GALNT14: variants seen among roughly 807,000 people sequenced by gnomAD.
GALNT14 encodes the protein polypeptide N-acetylgalactosaminyltransferase 14.
GALNT14 carries 60 observed loss-of-function variants against 77.5 expected under a neutral mutation model. The ratio of observed to expected loss-of-function variants is 0.77; its 90% CI spans 0.63 to 0.96. The LOEUF (loss-of-function observed/expected upper bound fraction) is 0.96, where lower values mean the gene tolerates loss of function less well. Among genes scored for constraint, GALNT14 ranks in the 40% least tolerant of loss-of-function variants. The probability of loss-of-function intolerance (pLI) is 0.00; values close to 1 mark genes in which losing one functional copy is unlikely to be tolerated. For missense variants in GALNT14, 710 were observed against 731.0 expected, an observed-to-expected ratio of 0.97 and a Z score of 0.33; for synonymous variants, 280 against 281.7, an observed-to-expected ratio of 0.99 and a Z score of 0.06.
the GALNT14 span, among the ~76,000 whole-genome samples, chr2:30,901,586 G>C: frequency 6.6e-6 from 1 of 150,952 alleles, no homozygotes; most frequent in Non-Finnish European, 1.5e-5. Context: ...ATATATGTGA[G>C]TATATATATA....
intron 1 of GALNT14, among the ~76,000 whole-genome samples, chr2:31,079,498 C>A (rs1676022440): frequency 1.3e-5 from 2 of 152,098 alleles, no homozygotes; most frequent in South Asian, 4.2e-4. Context: ...ATGAAGGCTG[C>A]CAGGTGGAGG....
intron 3 of GALNT14, among the ~76,000 whole-genome samples, chr2:30,962,304 C>T (rs950045090): frequency 2.0e-5 from 3 of 152,232 alleles, no homozygotes; most frequent in South Asian, 2.1e-4. Context: ...TGTGATCACA[C>T]ACCTGTTAAG....
chr2:30,916,702 T>G (rs1299521095), intron 13 of GALNT14, among the ~76,000 whole-genome samples: 3 of 152,172 alleles, frequency 2.0e-5, no homozygotes, highest in Non-Finnish European at 1.5e-5. Flanking sequence ...GAAGCTGGGA[T>G]GCAGACGGGC....
At chr2:30,897,142 A>G in the GALNT14 span, among the ~76,000 whole-genome samples, 1 of 151,940 alleles carries the variant, frequency 6.6e-6, no homozygotes, top group Non-Finnish European at 1.5e-5. Context: ...TGTCTCCTAC[A>G]CCACAGGCTT....
intron 1 of GALNT14, among the ~76,000 whole-genome samples, chr2:31,009,828 A>G (rs981156120): frequency 6.6e-6 from 1 of 152,004 alleles, no homozygotes; most frequent in Admixed American, 6.6e-5. Flanking sequence ...CCCACACACA[A>G]CTAACCCATC....
intron 8 of GALNT14, 147 bp from the exon 9 acceptor site, chr2:30,942,451 T>C: frequency 1.6e-6 from 1 of 619,282 alleles, no homozygotes; most frequent in South Asian, 2.0e-5. Flanking sequence ...TTTCTTCCCA[T>C]TTCTGTTCCT....
intron 1 of GALNT14, among the ~76,000 whole-genome samples, chr2:31,134,973 C>G (rs556833762): frequency 1.3e-5 from 2 of 152,262 alleles, no homozygotes; most frequent in Admixed American, 6.5e-5. Flanking sequence ...ATTAAATGAA[C>G]TAATATATGT....
intron 1 of GALNT14, among the ~76,000 whole-genome samples, chr2:31,078,685 C>A (rs759649625): frequency 6.6e-6 from 1 of 152,174 alleles, no homozygotes; most frequent in African/African-American, 2.4e-5. Flanking sequence ...AGCTCTCAGG[C>A]CCCGGGGCCA....
chr2:31,132,782 T>G lies in GALNT14; in HGVS notation c.129+5176A>C, dbSNP rs115928717. 1,062 of 468,656 alleles carry G rather than the reference T, an allele frequency of 2.3e-3. 13 individuals are homozygous for G. The highest frequency in any genetic ancestry group is 0.02 in the African/African-American group (986 of 49,924). The allele number at this position is 468,656 out of a possible 1,614,324, so 29.0% of individuals were successfully genotyped here. ...TCTTGCCTGGGGGCCAGACTGCCTT[T>G]GTAGGACTAACGAATTAGCCATAAG... On this transcript the variant is annotated intron_variant, in intron 1 of 14. Transcript: ENST00000349752.
At chr2:30,936,131 T>C (rs1362166055) in intron 9 of GALNT14, among the ~76,000 whole-genome samples, 1 of 152,164 alleles carries the variant, frequency 6.6e-6, no homozygotes, top group African/African-American at 2.4e-5. Context: ...CTTACTTTCT[T>C]TAAACGTCAG....
chr2:31,085,227 T>C (rs1284141498), intron 1 of GALNT14, among the ~76,000 whole-genome samples: 1 of 152,182 alleles, frequency 6.6e-6, no homozygotes, highest in Non-Finnish European at 1.5e-5. Context: ...GAAATCTCCA[T>C]GCCCCACTCC....
At chr2:30,949,843 T>A (rs1666920150) in intron 6 of GALNT14, among the ~76,000 whole-genome samples, 2 of 152,010 alleles carry the variant, frequency 1.3e-5, no homozygotes, top group South Asian at 4.1e-4. Context: ...GGTTCTGATG[T>A]GGGTATAGAT....
In GALNT14 at chr2:30,955,753, C is replaced by CA; in HGVS notation, c.533-15dup. The CA allele has an allele frequency of 6.2e-7, 1 of 1,613,824 alleles. No homozygotes were observed. The highest frequency in any genetic ancestry group is 8.5e-7 in the Non-Finnish European group (1 of 1,179,916). On this transcript the variant is annotated splice_polypyrimidine_tract_variant and intron_variant, in intron 5 of 14. Transcript: ENST00000349752. ...ACCGGACCAGACCTGCAGTCAGGAA[C>CA]AAATGACGAAGTGGGTGCCACTGTC... is the stretch of plus-strand genomic sequence containing the variant.
At chr2:31,068,838 C>T (rs1675159590) in intron 1 of GALNT14, among the ~76,000 whole-genome samples, 2 of 152,212 alleles carry the variant, frequency 1.3e-5, no homozygotes, top group Admixed American at 1.3e-4. Context: ...AAAGTACTGG[C>T]ACGTGCTACA....
At chr2:30,925,722 G>A (rs1428232831) in intron 11 of GALNT14, among the ~76,000 whole-genome samples, 4 of 152,190 alleles carry the variant, frequency 2.6e-5, no homozygotes, top group Admixed American at 6.5e-5. Flanking sequence ...AAAGGGTCCC[G>A]TGAGGCACTG....
chr2:30,976,625 G>A (rs1443645311), intron 2 of GALNT14, among the ~76,000 whole-genome samples: 1 of 151,894 alleles, frequency 6.6e-6, no homozygotes, highest in Non-Finnish European at 1.5e-5. Context: ...GTGTGTATGT[G>A]TGTGTGTGTG....
chr2:31,117,977 A>G (rs1678197258), intron 1 of GALNT14, among the ~76,000 whole-genome samples: 2 of 152,218 alleles, frequency 1.3e-5, no homozygotes, highest in South Asian at 4.1e-4. Flanking sequence ...AGTGTGGCCT[A>G]TAAATAGAAC....
chr2:31,136,441 A>G (rs1039823088), intron 1 of GALNT14, among the ~76,000 whole-genome samples: 1 of 152,156 alleles, frequency 6.6e-6, no homozygotes, highest in Non-Finnish European at 1.5e-5. Flanking sequence ...CTCCTCCTCC[A>G]GGGAGACCTC....
chr2:31,051,850 C>T (rs960305980), intron 1 of GALNT14, among the ~76,000 whole-genome samples: 1 of 152,180 alleles, frequency 6.6e-6, no homozygotes, highest in African/African-American at 2.4e-5. Flanking sequence ...GATGTCTTTC[C>T]TTGTACTCAA....
Sources: allele counts gnomAD v4.1 joint callset (sites outside exome capture counted in the v4.1 genomes callset), GRCh38; gene constraint gnomAD v4.1.1; transcripts MANE v1.5; gene names NCBI Gene and HGNC (gene_info 2026-07-23, HGNC 2026-07-21).